Variants in NRXN3 observed in about 807,000 individuals in gnomAD.
NRXN3 encodes neurexin 3.
A neutral mutation model predicts 137.6 loss-of-function variants in NRXN3; 32 were observed. The ratio of observed to expected loss-of-function variants is 0.23; its 90% CI spans 0.18 to 0.31. NRXN3 has a LOEUF of 0.31. Among genes scored for constraint, NRXN3 ranks in the 10% least tolerant of loss-of-function variants. The pLI, the probability that NRXN3 is intolerant of heterozygous loss-of-function variation, is 1.00. For missense variants in NRXN3, 1,574 were observed against 2,062.5 expected, an observed-to-expected ratio of 0.76 and a Z score of 4.59; for synonymous variants, 798 against 784.5, an observed-to-expected ratio of 1.02 and a Z score of -0.29.
chr14:79,546,783 A>G (rs1567459972), intron 16 of NRXN3, among the ~76,000 whole-genome samples: 1 of 152,158 alleles, frequency 6.6e-6, no homozygotes, highest in Non-Finnish European at 1.5e-5. Context: ...GTCATTTTCC[A>G]TCTATAACCC....
chr14:79,021,725 G>T (rs559853639), intron 15 of NRXN3, among the ~76,000 whole-genome samples: 1 of 152,230 alleles, frequency 6.6e-6, no homozygotes, highest in Admixed American at 6.5e-5. Context: ...TAGAAAATTG[G>T]CTTGGCAGTG....
At chr14:78,444,437 A>G (rs904906466) in intron 4 of NRXN3, among the ~76,000 whole-genome samples, 2 of 152,156 alleles carry the variant, frequency 1.3e-5, no homozygotes, top group Non-Finnish European at 2.9e-5. Flanking sequence ...GGATGAATCA[A>G]GAGGAGCATC....
chr14:78,796,233 G>A (rs1595934008), intron 8 of NRXN3, among the ~76,000 whole-genome samples: 1 of 152,316 alleles, frequency 6.6e-6, no homozygotes, highest in Non-Finnish European at 1.5e-5. Context: ...TAAGGCAGAG[G>A]TTCCATGCTG....
chr14:79,552,502 T>C (rs1466428330), intron 16 of NRXN3, among the ~76,000 whole-genome samples: 1 of 152,060 alleles, frequency 6.6e-6, no homozygotes, highest in Non-Finnish European at 1.5e-5. Context: ...GGAAATAGAT[T>C]AGCAGGAGAG....
intron 15 of NRXN3, among the ~76,000 whole-genome samples, chr14:79,287,245 T>C (rs1013916925): frequency 6.6e-6 from 1 of 152,186 alleles, no homozygotes; most frequent in East Asian, 1.9e-4. Flanking sequence ...GAACACAGCA[T>C]GGGACAAAAG....
intron 15 of NRXN3, among the ~76,000 whole-genome samples, chr14:79,290,663 G>GAAA (rs11349861): frequency 1.2e-4 from 13 of 106,664 alleles, no homozygotes; most frequent in East Asian, 1.1e-3. Context: ...GGTGGTTCCA[G>GAAA]AAAAAAAAAA....
At chr14:78,180,624 T>C (rs1162939904) in intron 1 of NRXN3, among the ~76,000 whole-genome samples, 1 of 152,234 alleles carries the variant, frequency 6.6e-6, no homozygotes, top group Admixed American at 6.5e-5. Context: ...ACAGCTGTGT[T>C]CTATTGTCCC....
intron 11 of NRXN3, 70 bp downstream of exon 11, chr14:78,957,431 G>T: frequency 6.5e-7 from 1 of 1,544,038 alleles, no homozygotes. Context: ...TGAGCAAACA[G>T]TGTTTTGCAA....
chr14:79,213,605 C>G (rs1173760681), intron 15 of NRXN3, among the ~76,000 whole-genome samples: 2 of 151,396 alleles, frequency 1.3e-5, no homozygotes, highest in African/African-American at 2.4e-5. Context: ...CAAGTCCTGT[C>G]TCCTCTCACC....
intron 15 of NRXN3, among the ~76,000 whole-genome samples, chr14:79,380,505 T>C (rs1424606315): frequency 6.6e-6 from 1 of 152,160 alleles, no homozygotes; most frequent in Non-Finnish European, 1.5e-5. Flanking sequence ...ATTTCATCCA[T>C]GTCCCTACAA....
At chr14:78,245,158 T>C (rs2067499368) in intron 2 of NRXN3, among the ~76,000 whole-genome samples, 1 of 152,158 alleles carries the variant, frequency 6.6e-6, no homozygotes, top group African/African-American at 2.4e-5. Flanking sequence ...CTGGTTTCTC[T>C]TAGACGGGTT....
intron 10 of NRXN3, among the ~76,000 whole-genome samples, chr14:78,843,737 G>A (rs1057410003): frequency 6.6e-6 from 1 of 152,036 alleles, no homozygotes; most frequent in Non-Finnish European, 1.5e-5. Flanking sequence ...GCTCCTGTAG[G>A]TTTGCTTTAG....
chr14:79,653,785 C>A (rs1417031401), intron 16 of NRXN3, among the ~76,000 whole-genome samples: 1 of 152,096 alleles, frequency 6.6e-6, no homozygotes, highest in Non-Finnish European at 1.5e-5. Context: ...TACCAATATG[C>A]CTGAGCCTAG....
chr14:78,884,406 G>T (rs938321202), intron 10 of NRXN3, among the ~76,000 whole-genome samples: 2 of 152,070 alleles, frequency 1.3e-5, no homozygotes, highest in Non-Finnish European at 2.9e-5. Flanking sequence ...AACTTTGTTT[G>T]CACTCCTGCC....
chr14:78,839,384 G>A (rs1038060134), intron 10 of NRXN3, among the ~76,000 whole-genome samples: 8 of 152,198 alleles, frequency 5.3e-5, no homozygotes, highest in South Asian at 2.1e-4. Context: ...ACAGTCAGTC[G>A]TGATAAGGAT....
In NRXN3 at chr14:78,730,529, C is replaced by A. The variant is rs1039008646; in HGVS notation, c.2044+15390C>A. Among the ~76,000 whole-genome samples the A allele has an allele frequency of 3.3e-5, 5 of 152,114 alleles. No homozygotes were observed. The East Asian group carries it at 7.7e-4, about 23-fold the overall frequency. On this transcript the variant is annotated intron_variant, in intron 8 of 20. Coordinates refer to ENST00000335750, the MANE Select transcript of NRXN3 (RefSeq NM_001330195.2). Reference sequence around the variant, plus strand: ...TTCCCTCCCAGAGGGATGAGATTGACCCTTATTTATTCAGAATGACTTGAC... The same window carrying A: ...TTCCCTCCCAGAGGGATGAGATTGAACCTTATTTATTCAGAATGACTTGAC...
intron 4 of NRXN3, among the ~76,000 whole-genome samples, chr14:78,480,699 T>A (rs1207144633): frequency 6.6e-6 from 1 of 152,202 alleles, no homozygotes; most frequent in African/African-American, 2.4e-5. Flanking sequence ...GGTGTAATAT[T>A]ATTACATACA....
At chr14:79,457,370 T>G (rs1011023705) in intron 15 of NRXN3, among the ~76,000 whole-genome samples, 2 of 152,186 alleles carry the variant, frequency 1.3e-5, no homozygotes, top group African/African-American at 4.8e-5. Context: ...TCTAGAACTC[T>G]ATATAGAGTG....
chr14:79,500,915 T>C (rs2096819978), intron 16 of NRXN3, among the ~76,000 whole-genome samples: 2 of 152,218 alleles, frequency 1.3e-5, no homozygotes, highest in South Asian at 4.1e-4. Flanking sequence ...ATAGCTTTGA[T>C]TAACAACATG....
Sources: allele counts gnomAD v4.1 joint callset (sites outside exome capture counted in the v4.1 genomes callset), GRCh38; gene constraint gnomAD v4.1.1; transcripts MANE v1.5; gene names NCBI Gene and HGNC (gene_info 2026-07-23, HGNC 2026-07-21).